Variants in NEK7 observed in about 807,000 individuals in gnomAD.
NEK7 encodes the protein NIMA related kinase 7.
In NEK7, 18 loss-of-function variants were observed where a neutral mutation model predicts 44.6. The ratio of observed to expected loss-of-function variants is 0.40; its 90% CI spans 0.28 to 0.60. The LOEUF is 0.60. Ranked by LOEUF, NEK7 falls within the 20% of genes least tolerant of loss-of-function variation. NEK7 has a pLI of 0.38. For missense variants in NEK7, 256 were observed against 366.5 expected (o/e 0.70, Z 2.46); for synonymous variants, 130 against 121.1 (o/e 1.07, Z -0.48).
chr1:198,299,946 T>C (rs916493066), intron 9 of NEK7, among the ~76,000 whole-genome samples: 1 of 152,232 alleles, frequency 6.6e-6, no homozygotes, highest in African/African-American at 2.4e-5. Flanking sequence ...AAAATAAGCC[T>C]GAATGTCAAA....
At chr1:198,195,818 C>G (rs1458776107) in intron 1 of NEK7, among the ~76,000 whole-genome samples, 1 of 152,046 alleles carries the variant, frequency 6.6e-6, no homozygotes, top group Non-Finnish European at 1.5e-5. Flanking sequence ...GGGACTCCAT[C>G]TCAAAAAGAA....
chr1:198,214,193 A>G (rs1571538374), intron 1 of NEK7, among the ~76,000 whole-genome samples: 1 of 152,248 alleles, frequency 6.6e-6, no homozygotes, highest in East Asian at 1.9e-4. Flanking sequence ...TAAAAAATAA[A>G]TACGAAAATA....
intron 1 of NEK7, among the ~76,000 whole-genome samples, chr1:198,169,369 T>A (rs1270458841): frequency 6.6e-6 from 1 of 152,210 alleles, no homozygotes; most frequent in African/African-American, 2.4e-5. Context: ...TCTGGAGGAT[T>A]GTATTTCTTA....
chr1:198,213,156 G>A (rs1665824853), intron 1 of NEK7, among the ~76,000 whole-genome samples: 1 of 152,208 alleles, frequency 6.6e-6, no homozygotes, highest in Non-Finnish European at 1.5e-5. Flanking sequence ...AGCATCACTT[G>A]ACCGAGAGTC....
chr1:198,256,640 A>G, intron 3 of NEK7: 1 of 894,082 alleles, frequency 1.1e-6, no homozygotes, highest in South Asian at 1.9e-5. Flanking sequence ...TTTATTGGTC[A>G]GTGTCTAAGG....
rs776522315 is a variant in NEK7 at position 198,320,588 on chromosome 1, C to T, written c.*1066C>T. On this transcript the variant is annotated 3_prime_UTR_variant, in exon 10 of 10. Transcript: ENST00000367385. ...CCCTTTTAAAAGATATTTGGTATAC[C>T]AATACTTTTCCTGGATTGAAAACTT... 5.3e-5 allele frequency: 8 copies of T among 151,780 alleles called. No individual in the cohort carries two copies. Among genetic ancestry groups the T allele is most frequent in the Non-Finnish European group, 8.8e-5 (6 of 67,952 alleles). The allele number at this position is 151,780 out of a possible 1,614,324, so 9.4% of individuals were successfully genotyped here.
intron 1 of NEK7, among the ~76,000 whole-genome samples, chr1:198,204,717 CA>C (rs58273857): frequency 0.081 from 7,093 of 87,848 alleles, 110 homozygotes; most frequent in East Asian, 0.15. Context: ...GACTCCGTCT[CA>C]AAAAAAAAAA....
chr1:198,241,394 G>A (rs1666680749), intron 2 of NEK7, among the ~76,000 whole-genome samples: 1 of 152,090 alleles, frequency 6.6e-6, no homozygotes, highest in South Asian at 2.1e-4. Flanking sequence ...TCAGTGTTGG[G>A]GCACAAGTAA....
chr1:198,161,947 C>T (rs1200509431), intron 1 of NEK7, among the ~76,000 whole-genome samples: 1 of 151,942 alleles, frequency 6.6e-6, no homozygotes, highest in Non-Finnish European at 1.5e-5. Context: ...TTGACATAAG[C>T]AAGGGGTTGG....
intron 8 of NEK7, 149 bp from the exon 9 acceptor site, chr1:198,296,978 C>A: frequency 2.0e-6 from 1 of 501,566 alleles, no homozygotes. Flanking sequence ...TAAATTTCCT[C>A]AGAAGGGGAT....
At chr1:198,225,938 T>C (rs1017659713) in intron 1 of NEK7, among the ~76,000 whole-genome samples, 4 of 152,162 alleles carry the variant, frequency 2.6e-5, no homozygotes, top group African/African-American at 4.8e-5. Flanking sequence ...CAATAATTAC[T>C]TGATTTTTCT....
chr1:198,307,974 C>T (rs77307817), intron 9 of NEK7, among the ~76,000 whole-genome samples: 2 of 152,106 alleles, frequency 1.3e-5, no homozygotes, highest in African/African-American at 2.4e-5. Context: ...TGGAAAAAAT[C>T]AAATGCCTTG....
intron 1 of NEK7, chr1:198,221,024 G>A (rs1451106917): frequency 6.6e-6 from 1 of 151,928 alleles, no homozygotes; most frequent in Non-Finnish European, 1.5e-5. Flanking sequence ...AATAAGCTTG[G>A]ACGAATATGC....
intron 2 of NEK7, among the ~76,000 whole-genome samples, chr1:198,249,766 C>T (rs916331390): frequency 2.2e-5 from 3 of 139,402 alleles, no homozygotes; most frequent in Admixed American, 1.5e-4. Context: ...TGTTTGAGTT[C>T]ATTGTAGATT....
At chr1:198,162,446 A>G (rs1664138473) in intron 1 of NEK7, among the ~76,000 whole-genome samples, 1 of 152,220 alleles carries the variant, frequency 6.6e-6, no homozygotes, top group Non-Finnish European at 1.5e-5. Flanking sequence ...TGCCTACTTT[A>G]TGACCTTGGT....
At chr1:198,229,303 A>G (rs1303982129) in intron 1 of NEK7, among the ~76,000 whole-genome samples, 1 of 152,138 alleles carries the variant, frequency 6.6e-6, no homozygotes, top group Non-Finnish European at 1.5e-5. Context: ...CCCTTCCCTC[A>G]TACTTGCCCC....
intron 7 of NEK7, among the ~76,000 whole-genome samples, chr1:198,284,024 A>G (rs1241896169): frequency 1.3e-5 from 2 of 152,154 alleles, no homozygotes; most frequent in Non-Finnish European, 2.9e-5. Flanking sequence ...GGTCAATCAT[A>G]AATTACTCAT....
intron 3 of NEK7, among the ~76,000 whole-genome samples, chr1:198,259,008 C>T (rs918385420): frequency 2.6e-5 from 4 of 152,102 alleles, no homozygotes; most frequent in African/African-American, 9.7e-5. Context: ...AGATAAGATA[C>T]TTCTGAATTT....
intron 1 of NEK7, among the ~76,000 whole-genome samples, chr1:198,179,142 A>G (rs1365617258): frequency 6.6e-6 from 1 of 152,014 alleles, no homozygotes; most frequent in Non-Finnish European, 1.5e-5. Context: ...TGAGTATAGG[A>G]AATATATTAA....
Sources: allele counts gnomAD v4.1 joint callset (sites outside exome capture counted in the v4.1 genomes callset), GRCh38; gene constraint gnomAD v4.1.1; transcripts MANE v1.5; gene names NCBI Gene and HGNC (gene_info 2026-07-23, HGNC 2026-07-21).